The following CSMD2 variants were observed in gnomAD, a reference collection of about 807,000 sequenced individuals.
CSMD2 encodes CUB and sushi domain-containing protein 2.
CSMD2 carries 130 observed loss-of-function variants against 398.5 expected under a neutral mutation model. The observed-to-expected ratio is 0.33, with a 90% CI of 0.28 to 0.38. The LOEUF is 0.38. Among genes scored for constraint, CSMD2 ranks in the 10% least tolerant of loss-of-function variants. The pLI is 1.00. For missense variants in CSMD2, 3,829 were observed against 4,764.9 expected (o/e 0.80, Z 5.78); for synonymous variants, 1,828 against 1,908.5 (o/e 0.96, Z 1.10).
intron 2 of CSMD2, among the ~76,000 whole-genome samples, chr1:34,042,702 G>A (rs1000090278): frequency 1.3e-5 from 2 of 152,162 alleles, no homozygotes. Flanking sequence ...GACGTGGCCC[G>A]AGGCTTTGCC....
chr1:33,976,053 G>A (rs947610440), intron 3 of CSMD2, among the ~76,000 whole-genome samples: 1 of 152,182 alleles, frequency 6.6e-6, no homozygotes, highest in Non-Finnish European at 1.5e-5. Context: ...ATTCTCAACA[G>A]CAACTTGCTG....
chr1:34,123,298 C>T (rs1052528346), intron 1 of CSMD2, among the ~76,000 whole-genome samples: 1 of 152,128 alleles, frequency 6.6e-6, no homozygotes, highest in Non-Finnish European at 1.5e-5. Flanking sequence ...CCCAAGAGGA[C>T]GGGGTCCAGA....
At chr1:33,614,853 T>C (rs1641283230) in intron 39 of CSMD2, among the ~76,000 whole-genome samples, 1 of 152,174 alleles carries the variant, frequency 6.6e-6, no homozygotes, top group South Asian at 2.1e-4. Flanking sequence ...CAAACCCAAG[T>C]TATGGACTCT....
At chr1:33,551,139 A>C (rs2148630238) in intron 55 of CSMD2, among the ~76,000 whole-genome samples, 1 of 152,330 alleles carries the variant, frequency 6.6e-6, no homozygotes, top group South Asian at 2.1e-4. Flanking sequence ...ATTGTTGGGG[A>C]TGGAACATCA....
At chr1:33,645,490 A>G (rs1643376449) in intron 29 of CSMD2, among the ~76,000 whole-genome samples, 1 of 152,180 alleles carries the variant, frequency 6.6e-6, no homozygotes, top group Non-Finnish European at 1.5e-5. Flanking sequence ...CCAAGAGATA[A>G]TACTTGTCAA....
rs72892928 is a variant in CSMD2 at position 33,864,907 on chromosome 1, G to C, written c.921-17911C>G. 2,424 of 520,290 alleles carry C rather than the reference G, an allele frequency of 4.7e-3. 110 individuals carry two copies. The African/African-American group carries it at 0.048, about 10-fold the overall frequency. The allele number at this position is 520,290 out of a possible 1,614,324, so 32.2% of individuals were successfully genotyped here. A position where few individuals can be genotyped will look rare whatever the true frequency, so the allele number is the denominator to read the frequency against. On this transcript the variant is annotated intron_variant, in intron 5 of 70. Coordinates refer to ENST00000373381, the MANE Select transcript of CSMD2 (RefSeq NM_001281956.2). ...CCTGAGGAGGGGAACGGAGAGGACG[G>C]GAAGGGAAAGAAGGGGAAGGGAGGA...
rs1043373197 is a variant in CSMD2 at position 34,163,697 on chromosome 1, T to C, written c.187+1214A>G. On this transcript the variant is annotated intron_variant, in intron 1 of 70. Coordinates refer to ENST00000373381, the MANE Select transcript of CSMD2 (RefSeq NM_001281956.2). The surrounding 1 kb of genome is among the most constrained non-coding windows in gnomAD (Gnocchi z 5.4). ...ACAAAAAAGAAAACACGGCTCCAGGTCGAAGGTGCCCTAGGTCTAGGCCTG... is the reference window on the plus strand; with the variant it reads ...ACAAAAAAGAAAACACGGCTCCAGGCCGAAGGTGCCCTAGGTCTAGGCCTG... Among the ~76,000 whole-genome samples, 4 of 151,948 alleles carry C rather than the reference T, an allele frequency of 2.6e-5. No individual in the cohort carries two copies. The East Asian group carries it at 7.8e-4, about 30-fold the overall frequency.
intron 4 of CSMD2, among the ~76,000 whole-genome samples, chr1:33,920,942 A>AG (rs899409495): frequency 9.2e-5 from 14 of 152,192 alleles, no homozygotes; most frequent in African/African-American, 3.4e-4. Context: ...GGTAGGCCTC[A>AG]GGGGAGAGGG....
intron 49 of CSMD2, among the ~76,000 whole-genome samples, chr1:33,575,007 GTAGATAACTAAGGGGACAGAAGATAA>G (rs1218129063): frequency 1.3e-5 from 2 of 152,212 alleles, no homozygotes; most frequent in African/African-American, 4.8e-5. Flanking sequence ...CCTTGCTCTT[GTAGATAACTAAGGGGACAGAAGATAA>G]TACTCCAGCC....
At chr1:33,822,520 C>T (rs913767903) in intron 7 of CSMD2, among the ~76,000 whole-genome samples, 3 of 152,162 alleles carry the variant, frequency 2.0e-5, no homozygotes, top group Admixed American at 6.5e-5. Context: ...GTGCAGTGCA[C>T]GTTCAAGCCA....
chr1:34,094,704 G>A (rs1253744130), intron 1 of CSMD2, among the ~76,000 whole-genome samples: 2 of 152,298 alleles, frequency 1.3e-5, no homozygotes, highest in South Asian at 4.1e-4. Flanking sequence ...AACAAGAAGA[G>A]CTAACTATCC....
At chr1:33,810,142 G>T (rs1656689401) in intron 10 of CSMD2, among the ~76,000 whole-genome samples, 1 of 152,034 alleles carries the variant, frequency 6.6e-6, no homozygotes, top group Non-Finnish European at 1.5e-5. Flanking sequence ...TTATTTTGTG[G>T]ATCTTGGCAA....
intron 1 of CSMD2, among the ~76,000 whole-genome samples, chr1:34,114,353 A>C (rs1040330740): frequency 9.2e-5 from 14 of 151,610 alleles, no homozygotes; most frequent in Admixed American, 5.9e-4. Context: ...AAAAATAACA[A>C]AGCACACTTA....
rs566302658 is a variant in CSMD2, at chr1:34,106,234, A to G, written c.188-17041T>C. On this transcript the variant is annotated intron_variant, in intron 1 of 70. Coordinates refer to ENST00000373381, the MANE Select transcript of CSMD2 (RefSeq NM_001281956.2). ...ACGTGACAAGTGGTTCAGGGAAACC[A>G]TGCTGTTCAATCTTAGGGGAACAGA... Among the ~76,000 whole-genome samples, 14 of 152,298 alleles carry G rather than the reference A, an allele frequency of 9.2e-5. No homozygotes were observed. The South Asian group carries it at 2.9e-3, about 32-fold the overall frequency.
Position 33,524,911 on chromosome 1 carries a change from TC to T in CSMD2, c.10366del (p.Asp3456ThrfsTer35). ...ANSKVNATMIDHSGVELHLAG... is the reference protein window; with the variant it reads ...ANSKVNATMIXHSGVELHLAG... ...CAAGTGCAGCTCCACGCCACTGTGG[TC>T]GATCATGGTGGCATTGACCTTGCTG... On this transcript the variant is annotated frameshift_variant, in exon 66 of 71. Transcript: ENST00000373381. LOFTEE classifies it high-confidence loss of function. The T allele has an allele frequency of 6.2e-7, 1 of 1,614,190 alleles. No homozygotes were observed. The highest frequency in any genetic ancestry group is 8.5e-7 in the Non-Finnish European group (1 of 1,180,038).
At chr1:33,902,266 C>T (rs1642805595) in intron 5 of CSMD2, among the ~76,000 whole-genome samples, 1 of 152,110 alleles carries the variant, frequency 6.6e-6, no homozygotes, top group African/African-American at 2.4e-5. Context: ...TGCAGGGCTC[C>T]TGGAAACCGC....
chr1:33,694,233 G>A (rs912383134), intron 24 of CSMD2, among the ~76,000 whole-genome samples: 8 of 152,182 alleles, frequency 5.3e-5, no homozygotes, highest in Non-Finnish European at 1.0e-4. Context: ...TACGTTAGTG[G>A]TTGCCAGGGC....
chr1:33,915,027 A>C (rs1294903893), intron 5 of CSMD2, among the ~76,000 whole-genome samples: 2 of 152,108 alleles, frequency 1.3e-5, no homozygotes, highest in African/African-American at 4.8e-5. Flanking sequence ...GAGTGTGGAA[A>C]CTGAGTCAGG....
At chr1:33,759,831 C>T (rs1649583793) in intron 13 of CSMD2, among the ~76,000 whole-genome samples, 1 of 152,112 alleles carries the variant, frequency 6.6e-6, no homozygotes, top group African/African-American at 2.4e-5. Flanking sequence ...TGAAAGATGG[C>T]ACTATGGATA....
Sources: allele counts gnomAD v4.1 joint callset (sites outside exome capture counted in the v4.1 genomes callset), GRCh38; gene constraint gnomAD v4.1.1; non-coding constraint Gnocchi (gnomAD v3.1); transcripts MANE v1.5; gene names NCBI Gene and HGNC (gene_info 2026-07-23, HGNC 2026-07-21).